Variants in TRIM14 observed in about 807,000 individuals in gnomAD.
TRIM14 encodes tripartite motif containing 14, also known as tripartite motif-containing protein 14.
A neutral mutation model predicts 44.5 loss-of-function variants in TRIM14; 28 were observed. That is an observed-to-expected ratio of 0.63 (90% CI 0.47 to 0.86). TRIM14 has a LOEUF of 0.86. Among genes scored for constraint, TRIM14 ranks in the 40% least tolerant of loss-of-function variants. TRIM14 has a pLI of 0.00. For synonymous variants in TRIM14, 299 were observed against 269.2 expected (o/e 1.11, Z -1.08); for missense variants, 607 against 611.1 (o/e 0.99, Z 0.07).
intron 1 of TRIM14, among the ~76,000 whole-genome samples, chr9:98,116,575 G>A (rs534945331): frequency 8.6e-5 from 13 of 151,972 alleles, no homozygotes; most frequent in Non-Finnish European, 1.2e-4. Context: ...GGTGTTTCAC[G>A]CCTATAATCC....
Position 98,119,097 on chromosome 9 carries a change from A to T in TRIM14, c.92T>A (p.Val31Glu), listed in dbSNP as rs367703741. Residue 31 changes from valine to glutamate, a missense_variant, in exon 1 of 6, where the codon GTG (valine) becomes GAG (glutamate). Around this residue, in one of 3 missense-constraint regions of TRIM14, gnomAD observed 246 missense variants for 270.8 expected, o/e 0.91. Coordinates refer to ENST00000341469, the MANE Select transcript of TRIM14 (RefSeq NM_014788.4). ...GCAGCGGCGACAGAAGAGCTCAGCC[A>T]CGCGGTCGCCATGCTCCGGGCAGCG... ...GWRCPEHGDR[V>E]AELFCRRCRR... 5.7e-6 allele frequency: 9 copies of T among 1,586,918 alleles called. No homozygotes were observed. The highest frequency in any genetic ancestry group is 7.7e-6 in the Non-Finnish European group (9 of 1,176,128).
At chr9:98,055,526 A>G in the TRIM14 span, among the ~76,000 whole-genome samples, 2 of 152,140 alleles carry the variant, frequency 1.3e-5, no homozygotes, top group Non-Finnish European at 2.9e-5. Context: ...CAGGGTCTGC[A>G]AAATATCTCA....
At chr9:98,070,332 G>A (rs1829284978) in intron 6 of TRIM14, among the ~76,000 whole-genome samples, 1 of 152,064 alleles carries the variant, frequency 6.6e-6, no homozygotes. Context: ...TGACCAGGCT[G>A]GTCTTGAACT....
rs1825801492 is a variant in TRIM14, at chr9:98,087,141, G to A, written c.*329C>T. ...TGCTGTACGAGGGAGAAGGTTCCCA[G>A]GCTGCGGATGATGTATTCAGGATGC... On this transcript the variant is annotated 3_prime_UTR_variant, in exon 6 of 6. Coordinates refer to ENST00000341469, the MANE Select transcript of TRIM14 (RefSeq NM_014788.4). The A allele has an allele frequency of 1.7e-6, 1 of 588,984 alleles. No individual in the cohort carries two copies. The highest frequency in any genetic ancestry group is 1.8e-5 in the African/African-American group (1 of 54,430). 36.5% of individuals were successfully genotyped at this position (588,984 alleles called of 1,614,324 possible). A position where few individuals can be genotyped will look rare whatever the true frequency, so the allele number is the denominator to read the frequency against.
the TRIM14 span, among the ~76,000 whole-genome samples, chr9:98,053,854 T>C: frequency 7.5e-6 from 1 of 133,230 alleles, no homozygotes; most frequent in African/African-American, 2.7e-5. Context: ...TTCTGTTTTA[T>C]GGAACCATAG....
chr9:98,115,546 C>A (rs1421686510), intron 1 of TRIM14, among the ~76,000 whole-genome samples: 1 of 152,076 alleles, frequency 6.6e-6, no homozygotes, highest in Non-Finnish European at 1.5e-5. Context: ...CTGAGCCCAG[C>A]ACAATTTTTG....
the TRIM14 span, among the ~76,000 whole-genome samples, chr9:98,035,877 C>T: frequency 2.0e-5 from 3 of 152,220 alleles, no homozygotes; most frequent in African/African-American, 7.2e-5. Flanking sequence ...TCTGCACTTG[C>T]TCATTCAGAA....
the TRIM14 span, among the ~76,000 whole-genome samples, chr9:98,038,886 T>TA: frequency 6.6e-6 from 1 of 151,732 alleles, no homozygotes; most frequent in Non-Finnish European, 1.5e-5. Flanking sequence ...CCGCCTCTAC[T>TA]AAAAAATACA....
downstream of TRIM14, among the ~76,000 whole-genome samples, chr9:98,080,474 AC>A (rs913363451): frequency 6.6e-6 from 1 of 152,200 alleles, no homozygotes; most frequent in African/African-American, 2.4e-5. Context: ...ATTAAATGTG[AC>A]AGATGGTTTT....
At chr9:98,114,576 C>G (rs974581357) in intron 1 of TRIM14, among the ~76,000 whole-genome samples, 5 of 152,196 alleles carry the variant, frequency 3.3e-5, no homozygotes, top group African/African-American at 9.7e-5. Flanking sequence ...CCCGCCTCAG[C>G]CTCCCAAAGT....
the TRIM14 span, among the ~76,000 whole-genome samples, chr9:98,049,023 A>G: frequency 2.0e-5 from 3 of 150,012 alleles, no homozygotes; most frequent in African/African-American, 7.4e-5. Flanking sequence ...CTGTCTCAGA[A>G]AAAAAAAAAG....
chr9:98,115,890 G>C (rs558762479), intron 1 of TRIM14: 1 of 152,190 alleles, frequency 6.6e-6, no homozygotes, highest in African/African-American at 2.4e-5. Flanking sequence ...TGGGGGCCAG[G>C]CTTGGTGGCT....
chr9:98,099,768 A>G (rs538538542), intron 3 of TRIM14, among the ~76,000 whole-genome samples, 163 bp downstream of exon 3: 1 of 152,328 alleles, frequency 6.6e-6, no homozygotes, highest in African/African-American at 2.4e-5. Context: ...CTAACAATGT[A>G]TATTCTCTTG....
intron 3 of TRIM14, among the ~76,000 whole-genome samples, chr9:98,098,915 G>C (rs150362198): frequency 7.2e-5 from 11 of 152,084 alleles, no homozygotes; most frequent in Non-Finnish European, 1.3e-4. Context: ...AGCCTCACAG[G>C]TGCACGCCAT....
the TRIM14 span, among the ~76,000 whole-genome samples, chr9:98,052,633 G>A: frequency 2.6e-5 from 4 of 152,070 alleles, no homozygotes; most frequent in Non-Finnish European, 5.9e-5. Context: ...TCAGCTTCCC[G>A]AGTAGCTGGG....
the TRIM14 span, among the ~76,000 whole-genome samples, chr9:98,059,559 C>T: frequency 6.6e-5 from 10 of 152,084 alleles, no homozygotes; most frequent in African/African-American, 2.2e-4. Flanking sequence ...GGACTACAAG[C>T]GTATGCCACC....
chr9:98,067,401 C>T (rs115000484), downstream of TRIM14, among the ~76,000 whole-genome samples: 707 of 152,290 alleles, frequency 4.6e-3, 3 homozygotes, highest in African/African-American at 0.016. Context: ...TTCACATCCT[C>T]ATCATTTGTG....
the TRIM14 span, among the ~76,000 whole-genome samples, chr9:98,051,599 A>G: frequency 2.0e-5 from 3 of 152,148 alleles, no homozygotes; most frequent in African/African-American, 7.2e-5. Flanking sequence ...GACTTAACAA[A>G]TGATGCCCTT....
At chr9:98,062,188 A>G in the TRIM14 span, among the ~76,000 whole-genome samples, 7 of 151,946 alleles carry the variant, frequency 4.6e-5, no homozygotes, top group African/African-American at 1.4e-4. Flanking sequence ...CCTGGGTGAT[A>G]GAGCAAGACC....
Sources: allele counts gnomAD v4.1 joint callset (sites outside exome capture counted in the v4.1 genomes callset), GRCh38; gene constraint gnomAD v4.1.1; regional missense constraint gnomAD v4.1.1; transcripts MANE v1.5; gene names NCBI Gene and HGNC (gene_info 2026-07-23, HGNC 2026-07-21).